IGFL2: variants seen among roughly 807,000 people sequenced by gnomAD.
The protein encoded by IGFL2 is IGF like family member 2, also known as insulin growth factor-like family member 2.
IGFL2 carries 7 observed loss-of-function variants against 13.9 expected under a neutral mutation model. The ratio of observed to expected loss-of-function variants is 0.51; its 90% CI spans 0.29 to 0.95. The LOEUF (loss-of-function observed/expected upper bound fraction) is 0.95, where lower values mean the gene tolerates loss of function less well. Among genes scored for constraint, IGFL2 ranks in the 40% least tolerant of loss-of-function variants. The pLI is 0.08. For missense variants in IGFL2, 138 were observed against 147.8 expected, an observed-to-expected ratio of 0.93 and a Z score of 0.34; for synonymous variants, 55 against 55.8, an observed-to-expected ratio of 0.99 and a Z score of 0.07.
the IGFL2 span, among the ~76,000 whole-genome samples, chr19:46,194,404 C>T: frequency 6.6e-6 from 1 of 152,098 alleles, no homozygotes; most frequent in African/African-American, 2.4e-5. Flanking sequence ...CTGGCACAAG[C>T]GCTTGGGTTT....
chr19:46,133,469 G>A, the IGFL2 span, among the ~76,000 whole-genome samples: 1 of 152,172 alleles, frequency 6.6e-6, no homozygotes, highest in East Asian at 1.9e-4. Context: ...AAGAGGCAAA[G>A]GCAGAGGAGA....
At chr19:46,085,194 C>T in the IGFL2 span, among the ~76,000 whole-genome samples, 682 of 152,210 alleles carry the variant, frequency 4.5e-3, 5 homozygotes, top group African/African-American at 0.015. Context: ...CCACTGCACT[C>T]CAGCCTGGGC....
the IGFL2 span, among the ~76,000 whole-genome samples, chr19:46,188,978 C>A: frequency 6.6e-6 from 1 of 152,166 alleles, no homozygotes; most frequent in Non-Finnish European, 1.5e-5. Flanking sequence ...GGTTTTTCTC[C>A]CCATGTGCGG....
At chr19:46,161,953 G>T (rs186373495), downstream of IGFL2, among the ~76,000 whole-genome samples, 25 of 152,338 alleles carry the variant, frequency 1.6e-4, no homozygotes, top group Admixed American at 4.6e-4. Context: ...TTAGCTGGTT[G>T]TGGTCTTTCC....
chr19:46,174,250 C>T, the IGFL2 span, among the ~76,000 whole-genome samples: 13 of 152,200 alleles, frequency 8.5e-5, no homozygotes, highest in Non-Finnish European at 1.6e-4. Context: ...GAACATGCAG[C>T]GCTGCTTGTT....
the IGFL2 span, among the ~76,000 whole-genome samples, chr19:46,172,924 C>G: frequency 6.6e-6 from 1 of 152,102 alleles, no homozygotes; most frequent in Non-Finnish European, 1.5e-5. Flanking sequence ...TGCTTTTTGT[C>G]TCAGTGCCTT....
chr19:46,088,963 C>G, the IGFL2 span, among the ~76,000 whole-genome samples: 665 of 152,270 alleles, frequency 4.4e-3, 15 homozygotes, highest in Admixed American at 0.032. Flanking sequence ...GTTAAAGGCG[C>G]TAATGTAGAC....
At chr19:46,184,474 TG>T in the IGFL2 span, among the ~76,000 whole-genome samples, 1 of 152,258 alleles carries the variant, frequency 6.6e-6, no homozygotes, top group East Asian at 1.9e-4. Context: ...TGTGTTCATG[TG>T]TTGTCATTGT....
At chr19:46,165,701 C>T (rs967108186), downstream of IGFL2, among the ~76,000 whole-genome samples, 5 of 152,198 alleles carry the variant, frequency 3.3e-5, no homozygotes, top group Admixed American at 6.5e-5. Context: ...TGTCACGAGG[C>T]AATGCCTGCA....
the IGFL2 span, among the ~76,000 whole-genome samples, chr19:46,176,417 G>A: frequency 6.6e-6 from 1 of 152,166 alleles, no homozygotes; most frequent in African/African-American, 2.4e-5. Flanking sequence ...CTGAGAGCTG[G>A]AGATGCTCTA....
chr19:46,195,621 G>A, the IGFL2 span, among the ~76,000 whole-genome samples: 1 of 152,100 alleles, frequency 6.6e-6, no homozygotes, highest in Non-Finnish European at 1.5e-5. Context: ...CTGGACAGGA[G>A]TAAAATCCAC....
At chr19:46,102,248 A>C in the IGFL2 span, among the ~76,000 whole-genome samples, 1 of 152,322 alleles carries the variant, frequency 6.6e-6, no homozygotes, top group East Asian at 1.9e-4. Context: ...TTGTGTAAGC[A>C]ATAAAGCTTT....
At chr19:46,172,522 C>T in the IGFL2 span, among the ~76,000 whole-genome samples, 1 of 151,990 alleles carries the variant, frequency 6.6e-6, no homozygotes, top group African/African-American at 2.4e-5. Context: ...CTGTTACGTT[C>T]CCCAGGCTGG....
chr19:46,120,010 C>T, the IGFL2 span: 9 of 384,826 alleles, frequency 2.3e-5, no homozygotes, highest in African/African-American at 1.7e-4. Flanking sequence ...GTGTGACAGC[C>T]CTCTGTATCC....
the IGFL2 span, among the ~76,000 whole-genome samples, chr19:46,108,635 G>A: frequency 1.3e-5 from 2 of 152,036 alleles, no homozygotes; most frequent in African/African-American, 4.8e-5. Context: ...CCACCCAGGG[G>A]AGGTGGTGCT....
At chr19:46,133,988 C>CT in the IGFL2 span, among the ~76,000 whole-genome samples, 3 of 152,098 alleles carry the variant, frequency 2.0e-5, no homozygotes, top group African/African-American at 4.8e-5. Flanking sequence ...GCTGGTAGGG[C>CT]TTTTTTTATT....
chr19:46,155,314 G>A (rs55874754), intron 1 of IGFL2, among the ~76,000 whole-genome samples: 5,444 of 152,212 alleles, frequency 0.036, 137 homozygotes, highest in East Asian at 0.071. Context: ...GCTGGGAGCT[G>A]GGGAGAGGTG....
At chr19:46,177,387 C>T in the IGFL2 span, among the ~76,000 whole-genome samples, 137 of 152,030 alleles carry the variant, frequency 9.0e-4, 2 homozygotes, top group Middle Eastern at 0.017. Context: ...AGTGAGACTC[C>T]GTCTCAAAAC....
At chr19:46,151,274 G>A (rs953177824) in intron 1 of IGFL2, among the ~76,000 whole-genome samples, 7 of 152,186 alleles carry the variant, frequency 4.6e-5, no homozygotes, top group African/African-American at 9.7e-5. Context: ...CTTGTGTATG[G>A]TATGAGGAAG....
Sources: allele counts gnomAD v4.1 joint callset (sites outside exome capture counted in the v4.1 genomes callset), GRCh38; gene constraint gnomAD v4.1.1; transcripts MANE v1.5; gene names NCBI Gene and HGNC (gene_info 2026-07-23, HGNC 2026-07-21).